CAPN10: variants seen among roughly 807,000 people sequenced by gnomAD.
CAPN10 encodes calpain 10, also known as calpain-10.
Under a neutral mutation model 78.4 loss-of-function variants are expected in CAPN10, and 71 were observed. That is an observed-to-expected ratio of 0.91 (90% confidence interval 0.75 to 1.10). The LOEUF (loss-of-function observed/expected upper bound fraction) is 1.10. Among genes scored for constraint, CAPN10 ranks in the 50% least tolerant of loss-of-function variants. The pLI, the probability that CAPN10 is intolerant of heterozygous loss-of-function variation, is 0.00. For synonymous variants in CAPN10, 437 were observed against 407.2 expected, an observed-to-expected ratio of 1.07 and a Z score of -0.88; for missense variants, 849 against 924.6, an observed-to-expected ratio of 0.92 and a Z score of 1.06.
chr2:240,586,985 C>A lies in CAPN10; in HGVS notation c.74C>A (p.Ser25Ter), dbSNP rs766195991. 1 of 1,485,850 alleles carries A rather than the reference C, an allele frequency of 6.7e-7. No homozygotes were observed. Among genetic ancestry groups the A allele is most frequent in the Non-Finnish European group, 8.9e-7 (1 of 1,117,500 alleles). The allele number at this position is 1,485,850 out of a possible 1,614,324, so 92.0% of individuals were successfully genotyped here. A position where few individuals can be genotyped will look rare whatever the true frequency, so the allele number is the denominator to read the frequency against. Residue 25 changes from serine to a stop codon, truncating the protein, a stop_gained, in exon 1 of 12, where the codon TCG (serine) becomes TAG (stop). Coordinates refer to ENST00000391984, the MANE Select transcript of CAPN10 (RefSeq NM_023083.4). LOFTEE classifies it high-confidence loss of function. ...GCCGCCTTCCCCGCCGCGGACTCCTCGCTCTTCTGCGACTTGTCTACGCCG... is the reference window on the plus strand; with the variant it reads ...GCCGCCTTCCCCGCCGCGGACTCCTAGCTCTTCTGCGACTTGTCTACGCCG... ...RDAAFPAADS[S>*]LFCDLSTPLA...
intron 5 of CAPN10, 120 bp from the exon 6 acceptor site, chr2:240,594,423 G>A (rs1204387974): frequency 2.0e-5 from 20 of 987,724 alleles, no homozygotes; most frequent in Non-Finnish European, 3.0e-5. Context: ...GCTGGGGCAC[G>A]GGGTTGCTGG....
chr2:240,596,534 G>T lies in CAPN10; in HGVS notation c.1481+13G>T, dbSNP rs202074382. ...GAGTCTCCCTTAGGTGAGAGGAACC[G>T]CGCAGTGCTGCTGGCTCTCCGAGGC... On this transcript the variant is annotated intron_variant, in intron 8 of 11. Transcript: ENST00000391984. 3.1e-6 allele frequency: 5 copies of T among 1,588,982 alleles called. No individual in the cohort carries two copies. The highest frequency in any genetic ancestry group is 4.3e-6 in the Non-Finnish European group (5 of 1,163,466).
intron 11 of CAPN10, 58 bp from the exon 12 acceptor site, chr2:240,598,593 T>A: frequency 6.5e-7 from 1 of 1,535,886 alleles, no homozygotes; most frequent in Non-Finnish European, 8.8e-7. Context: ...GCACTCGGGG[T>A]GGGGTGTGAG....
chr2:240,592,103 T>G lies in CAPN10; in HGVS notation c.641T>G (p.Leu214Arg), dbSNP rs568167481. 1 of 1,590,336 alleles carries G rather than the reference T, an allele frequency of 6.3e-7. No individual in the cohort carries two copies. Among genetic ancestry groups the G allele is most frequent in the South Asian group, 1.1e-5 (1 of 87,648 alleles). ...EHRTCRQLLHLKDQCLISCCV... is the reference protein window; with the variant it reads ...EHRTCRQLLHRKDQCLISCCV... Reference sequence around the variant, plus strand: ...AGGACTTGTCGGCAGCTGCTCCACCTGAAGGACCAGTGTCTGATCAGCTGC... The same window carrying G: ...AGGACTTGTCGGCAGCTGCTCCACCGGAAGGACCAGTGTCTGATCAGCTGC... The change falls in exon 4 of 12, where the codon CTG becomes CGG. Residue 214 changes from leucine to arginine, a missense_variant. Coordinates refer to ENST00000391984, the MANE Select transcript of CAPN10 (RefSeq NM_023083.4).
chr2:240,590,545 G>A (rs1257499551), intron 2 of CAPN10: 1 of 385,422 alleles, frequency 2.6e-6, no homozygotes, highest in African/African-American at 2.0e-5. Context: ...CCCTGTGCAG[G>A]CGCCGACATC....
intron 5 of CAPN10, 70 bp downstream of exon 5, chr2:240,594,117 G>C: frequency 6.9e-7 from 1 of 1,453,226 alleles, no homozygotes; most frequent in Non-Finnish European, 9.2e-7. Flanking sequence ...CTGTGTCCTG[G>C]TCACCTTCAG....
Position 240,598,845 on chromosome 2 carries a change from G to T in CAPN10, c.*165G>T. ...GCCTAGGGGTCCACGGGAAGCCTCC[G>T]TCAGGAGAGACGCAGCCCTGGGGGC... On this transcript the variant is annotated 3_prime_UTR_variant, in exon 12 of 12. Transcript: ENST00000391984. 2 of 665,924 alleles carry T rather than the reference G, an allele frequency of 3.0e-6. No individual in the cohort carries two copies. The highest frequency in any genetic ancestry group is 5.3e-6 in the Non-Finnish European group (2 of 375,794). 41.3% of individuals were successfully genotyped at this position (665,924 alleles called of 1,614,324 possible). A position where few individuals can be genotyped will look rare whatever the true frequency, so the allele number is the denominator to read the frequency against.
chr2:240,596,356 C>G lies in CAPN10; in HGVS notation c.1316C>G (p.Ser439Cys). The G allele has an allele frequency of 6.2e-7, 1 of 1,612,484 alleles. No individual in the cohort carries two copies. Among genetic ancestry groups the G allele is most frequent in the Non-Finnish European group, 8.5e-7 (1 of 1,179,556 alleles). ...KRRVNLPRVL[S>C]MPPVAGTACH... ...CGGGTCAATCTGCCTAGGGTCCTGTCCATGCCCCCCGTGGCTGGCACCGCG... is the reference window on the plus strand; with the variant it reads ...CGGGTCAATCTGCCTAGGGTCCTGTGCATGCCCCCCGTGGCTGGCACCGCG... The change falls in exon 8 of 12, where the codon TCC (serine) becomes TGC (cysteine). Residue 439 changes from serine to cysteine, a missense_variant. Coordinates refer to ENST00000391984, the MANE Select transcript of CAPN10 (RefSeq NM_023083.4).
chr2:240,598,719 C>T lies in CAPN10; in HGVS notation c.*39C>T, dbSNP rs759271453. 18 of 1,551,860 alleles carry T rather than the reference C, an allele frequency of 1.2e-5. No homozygotes were observed. Among genetic ancestry groups the T allele is most frequent in the Middle Eastern group, 3.3e-4 (2 of 5,974 alleles). Reference sequence around the variant, plus strand: ...TGTGCCAGCTCAGGTGACTGGAGCCCGAGGGCCTGACAGGTTCCCAGCAGC... The same window carrying T: ...TGTGCCAGCTCAGGTGACTGGAGCCTGAGGGCCTGACAGGTTCCCAGCAGC... On this transcript the variant is annotated 3_prime_UTR_variant, in exon 12 of 12. Transcript: ENST00000391984.
intron 5 of CAPN10, 194 bp downstream of exon 5, chr2:240,594,241 A>C (rs2093121359): frequency 4.7e-6 from 3 of 637,192 alleles, no homozygotes; most frequent in Non-Finnish European, 5.1e-6. Context: ...CAAGGTGGCC[A>C]TTGGGCCTGG....
Position 240,594,559 on chromosome 2 carries a change from C to A in CAPN10, c.847C>A (p.Gln283Lys). Residue 283 changes from glutamine (Q) to lysine (K), a missense_variant, in exon 6 of 12, where the codon CAG becomes AAG. Physicochemically the swap from Gln to Lys is moderately conservative, Grantham distance 53. Coordinates refer to ENST00000391984, the MANE Select transcript of CAPN10 (RefSeq NM_023083.4). The part of the protein sequence containing the change: ...LWREGGEGWS[Q>K]VDAAVASELL... The stretch of plus-strand genomic sequence containing the variant: ...TTCTTCCAGGGGTGAAGGGTGGAGC[C>A]AGGTAGATGCAGCGGTAGCATCTGA... 1 of 1,613,532 alleles carries A rather than the reference C, an allele frequency of 6.2e-7. No homozygotes were observed. Among genetic ancestry groups the A allele is most frequent in the South Asian group, 1.1e-5 (1 of 91,070 alleles).
At chr2:240,588,043 A>AG (rs959329140) in intron 1 of CAPN10, among the ~76,000 whole-genome samples, 1 of 152,120 alleles carries the variant, frequency 6.6e-6, no homozygotes, top group African/African-American at 2.4e-5. Context: ...CGTACCTTGC[A>AG]GGGGGGATCG....
intron 4 of CAPN10, chr2:240,592,460 A>C: frequency 1.6e-6 from 1 of 625,820 alleles, no homozygotes; most frequent in Non-Finnish European, 3.1e-6. Flanking sequence ...GCAAAATCAA[A>C]ACCTGTTTTT....
rs534278931 is a variant in CAPN10 at position 240,589,414 on chromosome 2, G to T, written c.213G>T (p.Gly71=). 80 of 1,613,954 alleles carry T rather than the reference G, an allele frequency of 5.0e-5. No homozygotes were observed. In the South Asian group the frequency reaches 8.1e-4, roughly 16 times the overall value. ...REGQVKQGLL[G]DCWFLCACAA... is the part of the protein sequence containing the mutation. ...GGCAGGTGAAGCAGGGGCTGCTGGG[G>T]GATTGCTGGTTCCTGTGTGCCTGCG... is the stretch of plus-strand genomic sequence containing the variant. The change falls in exon 2 of 12, where the codon GGG becomes GGT. Residue 71 remains glycine (G), a synonymous_variant. Transcript: ENST00000391984.
At chr2:240,595,611 G>C (rs1345210802) in intron 7 of CAPN10, among the ~76,000 whole-genome samples, 1 of 152,366 alleles carries the variant, frequency 6.6e-6, no homozygotes, top group Non-Finnish European at 1.5e-5. Flanking sequence ...TGGCAGCGCC[G>C]TGCCTTTCTG....
intron 9 of CAPN10, 46 bp from the exon 10 acceptor site, chr2:240,597,842 C>T (rs1187656967): frequency 1.3e-6 from 2 of 1,525,552 alleles, no homozygotes; most frequent in Non-Finnish European, 1.8e-6. Context: ...GCTGGGCTCC[C>T]TACCCCAAGG....
rs1479510512 is a variant in CAPN10 at position 240,596,867 on chromosome 2, C to T, written c.1668C>T (p.Cys556=). Residue 556 remains cysteine (C), a synonymous_variant, in exon 9 of 12, where the codon TGC becomes TGT. Coordinates refer to ENST00000391984, the MANE Select transcript of CAPN10 (RefSeq NM_023083.4). ...FSVPEGPGPR[C]VRITLHQHCR... ...TCCCCGAGGGCCCTGGCCCCCGCTG[C>T]GTCCGCATCACTCTGCATCAGCACT... 5.6e-6 allele frequency: 9 copies of T among 1,613,612 alleles called. No individual in the cohort carries two copies. Among genetic ancestry groups the T allele is most frequent in the South Asian group, 2.2e-5 (2 of 91,090 alleles).
intron 9 of CAPN10, 113 bp downstream of exon 9, chr2:240,597,055 C>T: frequency 7.4e-7 from 1 of 1,360,338 alleles, no homozygotes; most frequent in South Asian, 1.2e-5. Context: ...TTGGGCTCCC[C>T]CTGCCCTTCG....
In CAPN10 at chr2:240,586,957, G is replaced by C. The variant is rs1277328913; in HGVS notation, c.46G>C (p.Asp16His). ...GACGCCGGCGAGGGAGCTGTTCCGG[G>C]ACGCCGCCTTCCCCGCCGCGGACTC... is the stretch of plus-strand genomic sequence containing the variant. Reference protein sequence around the residue: ...GATPARELFRDAAFPAADSSL... With the variant: ...GATPARELFRHAAFPAADSSL... The change falls in exon 1 of 12, where the codon GAC becomes CAC. Residue 16 changes from aspartate to histidine, a missense_variant. Transcript: ENST00000391984. 1 of 1,480,142 alleles carries C rather than the reference G, an allele frequency of 6.8e-7. No individual in the cohort carries two copies. Among genetic ancestry groups the C allele is most frequent in the Admixed American group, 2.4e-5 (1 of 41,844 alleles). The allele number at this position is 1,480,142 out of a possible 1,614,324, so 91.7% of individuals were successfully genotyped here.
Sources: allele counts gnomAD v4.1 joint callset (sites outside exome capture counted in the v4.1 genomes callset), GRCh38; gene constraint gnomAD v4.1.1; transcripts MANE v1.5; gene names NCBI Gene and HGNC (gene_info 2026-07-23, HGNC 2026-07-21).